Variants in ISM2 observed in about 807,000 individuals in gnomAD.
The protein encoded by ISM2 is isthmin 2.
Under a neutral mutation model 58.0 loss-of-function variants are expected in ISM2, and 50 were observed. That is an observed-to-expected ratio of 0.86 (90% CI 0.69 to 1.09). The LOEUF is 1.09. Ranked by LOEUF, ISM2 falls within the 50% of genes least tolerant of loss-of-function variation. The pLI is 0.00. For missense variants in ISM2, 723 were observed against 745.0 expected (o/e 0.97, Z 0.34); for synonymous variants, 303 against 312.4 (o/e 0.97, Z 0.32).
chr14:77,495,773 G>A (rs1296096209), intron 1 of ISM2, among the ~76,000 whole-genome samples: 1 of 152,138 alleles, frequency 6.6e-6, no homozygotes, highest in African/African-American at 2.4e-5. Flanking sequence ...AGGGTGCCGA[G>A]GCTGAGAAGA....
chr14:77,498,608 TG>T, intron 1 of ISM2, 44 bp downstream of exon 1: 1 of 1,404,166 alleles, frequency 7.1e-7, no homozygotes, highest in Non-Finnish European at 9.2e-7. Flanking sequence ...GCTGGGGAGG[TG>T]GGACCGACAG....
Position 77,475,792 on chromosome 14 carries a change from C to A in ISM2, c.1519G>T (p.Ala507Ser), listed in dbSNP as rs150601204. 1 of 1,613,312 alleles carries A rather than the reference C, an allele frequency of 6.2e-7. No individual in the cohort carries two copies. The highest frequency in any genetic ancestry group is 1.1e-5 in the South Asian group (1 of 90,986). Residue 507 changes from alanine to serine, a missense_variant, in exon 7 of 7, where the codon GCC becomes TCC. Physicochemically the swap from Ala to Ser is moderately conservative, Grantham distance 99 (BLOSUM62 1). Coordinates refer to ENST00000342219, the MANE Select transcript of ISM2 (RefSeq NM_199296.3). The surrounding 1 kb of genome is among the most constrained non-coding windows in gnomAD (Gnocchi z 4.1). ...GTGCTGATGAGGTTGGGCATGCCGGCGCCCTTGCCACGGGTCAGCAGCCGG... is the reference window on the plus strand; with the variant it reads ...GTGCTGATGAGGTTGGGCATGCCGGAGCCCTTGCCACGGGTCAGCAGCCGG... ...DSRLLTRGKG[A>S]GMPNLISTDF...
chr14:77,498,639 C>T lies in ISM2; in HGVS notation c.141+14G>A. ...CGACAGCGCGCTCCGCAGCCCGGTG[C>T]CGCCGCCACTCACCTCTGCGAGCCT... On this transcript the variant is annotated intron_variant, in intron 1 of 6. Coordinates refer to ENST00000342219, the MANE Select transcript of ISM2 (RefSeq NM_199296.3). The T allele has an allele frequency of 1.4e-6, 2 of 1,443,194 alleles. No homozygotes were observed. The highest frequency in any genetic ancestry group is 3.0e-5 in the East Asian group (1 of 33,558). 89.4% of individuals were successfully genotyped at this position (1,443,194 alleles called of 1,614,324 possible).
chr14:77,491,639 G>A (rs376090267), intron 1 of ISM2, among the ~76,000 whole-genome samples: 1 of 150,438 alleles, frequency 6.6e-6, no homozygotes, highest in Non-Finnish European at 1.5e-5. Flanking sequence ...TGATCCACCC[G>A]CCCTGGCTTC....
intron 1 of ISM2, among the ~76,000 whole-genome samples, chr14:77,490,299 G>A (rs544767204): frequency 2.6e-5 from 4 of 152,150 alleles, no homozygotes; most frequent in African/African-American, 9.7e-5. Context: ...ACCCGGCCAA[G>A]AAGCCCAACA....
chr14:77,482,366 C>T lies in ISM2; in HGVS notation c.929G>A (p.Trp310Ter). ...NGTTDNWDQG[W>*]LAPGDWVFKD... ...GAAGACCCAATCCCCGGGGGCCAGC[C>T]AGCCCTGGTCCCAGTTGTCTGTAGT... is the stretch of plus-strand genomic sequence containing the variant. Residue 310 changes from tryptophan (W) to a stop codon, truncating the protein, a stop_gained, in exon 4 of 7, where the codon TGG becomes TAG. Transcript: ENST00000342219. LOFTEE classifies it high-confidence loss of function. 18 of 1,614,112 alleles carry T rather than the reference C, an allele frequency of 1.1e-5. No individual in the cohort carries two copies. Among genetic ancestry groups the T allele is most frequent in the Non-Finnish European group, 1.5e-5 (18 of 1,180,004 alleles).
intron 5 of ISM2, 75 bp from the exon 6 acceptor site, chr14:77,478,400 C>A: frequency 6.8e-7 from 1 of 1,464,540 alleles, no homozygotes; most frequent in Non-Finnish European, 9.5e-7. Context: ...ACCCCCCCAC[C>A]TCAATAGGCT....
At chr14:77,498,324 G>A in intron 1 of ISM2, 1 of 1,385,766 alleles carries the variant, frequency 7.2e-7, no homozygotes, top group South Asian at 1.2e-5. Context: ...CACCTGGAAA[G>A]GGGGCTGCAG....
intron 4 of ISM2, among the ~76,000 whole-genome samples, chr14:77,479,735 G>A (rs183941231): frequency 7.2e-5 from 11 of 152,164 alleles, no homozygotes; most frequent in South Asian, 2.1e-4. Context: ...GGCTGGTCTC[G>A]AACTCCTGAC....
intron 1 of ISM2, among the ~76,000 whole-genome samples, chr14:77,489,353 A>G (rs2079186962): frequency 6.6e-6 from 1 of 152,046 alleles, no homozygotes; most frequent in Admixed American, 6.6e-5. Context: ...GGTGCTGGAG[A>G]CCCAGCACAC....
At chr14:77,493,433 G>T (rs1249135587) in intron 1 of ISM2, among the ~76,000 whole-genome samples, 2 of 151,900 alleles carry the variant, frequency 1.3e-5, no homozygotes, top group Non-Finnish European at 2.9e-5. Flanking sequence ...AGAGAAGCAG[G>T]GGCCATATTT....
chr14:77,491,006 T>C (rs540566784), intron 1 of ISM2, among the ~76,000 whole-genome samples: 8 of 152,324 alleles, frequency 5.3e-5, no homozygotes, highest in African/African-American at 1.9e-4. Context: ...ACTCACTCAC[T>C]GATTGGGCTA....
At chr14:77,480,595 T>TCATC (rs2079126176) in intron 4 of ISM2, among the ~76,000 whole-genome samples, 1 of 128,928 alleles carries the variant, frequency 7.8e-6, no homozygotes, top group Non-Finnish European at 1.6e-5. Flanking sequence ...TCTCGCTCTG[T>TCATC]CACCCAGGCT....
chr14:77,477,984 G>C (rs2079108194), intron 6 of ISM2, among the ~76,000 whole-genome samples: 1 of 152,178 alleles, frequency 6.6e-6, no homozygotes. Context: ...AGGGAGGATA[G>C]GATATGCCCC....
intron 1 of ISM2, among the ~76,000 whole-genome samples, chr14:77,496,180 C>A (rs1440420846): frequency 7.9e-6 from 1 of 127,340 alleles, no homozygotes; most frequent in Non-Finnish European, 1.6e-5. Flanking sequence ...GAGCAAGACT[C>A]CATGCCAAAA....
chr14:77,485,020 C>G, intron 1 of ISM2, 101 bp from the exon 2 acceptor site: 1 of 1,295,342 alleles, frequency 7.7e-7, no homozygotes, highest in Non-Finnish European at 1.1e-6. Context: ...GGGGTCTGAC[C>G]GGGTCATAAA....
intron 4 of ISM2, among the ~76,000 whole-genome samples, chr14:77,481,698 C>G (rs2079132790): frequency 6.6e-6 from 1 of 152,058 alleles, no homozygotes; most frequent in Non-Finnish European, 1.5e-5. Context: ...TTTATAATTT[C>G]TCAATCCTTG....
chr14:77,498,366 C>A, intron 1 of ISM2: 1 of 1,383,026 alleles, frequency 7.2e-7, no homozygotes, highest in Non-Finnish European at 9.6e-7. Flanking sequence ...GAAGCCCGGC[C>A]ACCGTGGAGT....
intron 1 of ISM2, 33 bp downstream of exon 1, chr14:77,498,620 C>T: frequency 1.4e-6 from 2 of 1,410,452 alleles, no homozygotes; most frequent in Admixed American, 3.1e-5. Context: ...GGACCGACAG[C>T]GCGCTCCGCA....
Sources: allele counts gnomAD v4.1 joint callset (sites outside exome capture counted in the v4.1 genomes callset), GRCh38; gene constraint gnomAD v4.1.1; non-coding constraint Gnocchi (gnomAD v3.1); transcripts MANE v1.5; gene names NCBI Gene and HGNC (gene_info 2026-07-23, HGNC 2026-07-21).